MECOM: variants seen among roughly 807,000 people sequenced by gnomAD.
MECOM encodes the protein histone-lysine N-methyltransferase MECOM.
MECOM carries 13 observed loss-of-function variants against 116.3 expected under a neutral mutation model. That is an observed-to-expected ratio of 0.11 (90% confidence interval 0.07 to 0.18). MECOM has a LOEUF of 0.18. Among genes scored for constraint, MECOM ranks in the 10% least tolerant of loss-of-function variants. The probability of loss-of-function intolerance (pLI) is 1.00; values close to 1 mark genes in which losing one functional copy is unlikely to be tolerated. For synonymous variants in MECOM, 528 were observed against 535.2 expected, an observed-to-expected ratio of 0.99 and a Z score of 0.19; for missense variants, 1,299 against 1,509.0, an observed-to-expected ratio of 0.86 and a Z score of 2.31.
intron 1 of MECOM, among the ~76,000 whole-genome samples, chr3:169,626,824 T>C (rs910576319): frequency 7.7e-5 from 11 of 142,062 alleles, no homozygotes; most frequent in African/African-American, 2.7e-4. Context: ...TCTTTTCTCT[T>C]TTTTTTTTTC....
intron 2 of MECOM, among the ~76,000 whole-genome samples, chr3:169,235,133 CTA>C (rs1489702887): frequency 6.6e-6 from 1 of 152,170 alleles, no homozygotes; most frequent in Non-Finnish European, 1.5e-5. Context: ...TTGGTAGAGA[CTA>C]AACTCTTATT....
In MECOM at chr3:169,340,550, T is replaced by C. The variant is rs184325575; in HGVS notation, c.375+40637A>G. ...TCTGGTTGGTGTCACCATTTGACTATGAATTCATAATGCCAGAATGCTTTT... is the reference window on the plus strand; with the variant it reads ...TCTGGTTGGTGTCACCATTTGACTACGAATTCATAATGCCAGAATGCTTTT... On this transcript the variant is annotated intron_variant, in intron 2 of 16. Coordinates refer to ENST00000651503, the MANE Select transcript of MECOM (RefSeq NM_004991.4). Among the ~76,000 whole-genome samples the C allele has an allele frequency of 1.4e-3, 211 of 152,316 alleles. 1 individual carries two copies. The highest frequency in any genetic ancestry group is 4.9e-3 in the African/African-American group (202 of 41,576).
intron 2 of MECOM, among the ~76,000 whole-genome samples, chr3:169,144,454 G>A (rs141267559): frequency 6.6e-6 from 1 of 152,204 alleles, no homozygotes; most frequent in Non-Finnish European, 1.5e-5. Context: ...GTCAACGCAT[G>A]TTTCAATATT....
intron 2 of MECOM, among the ~76,000 whole-genome samples, chr3:169,324,477 A>G (rs1419411645): frequency 1.3e-5 from 2 of 152,250 alleles, no homozygotes; most frequent in Admixed American, 1.3e-4. Flanking sequence ...CAGGTCTTGA[A>G]ATATTTTTAT....
At chr3:169,470,048 G>C (rs567993963) in intron 1 of MECOM, 1 of 152,112 alleles carries the variant, frequency 6.6e-6, no homozygotes, top group East Asian at 1.9e-4. Flanking sequence ...CCTCTTCTCC[G>C]AAAGGTACCC....
intron 2 of MECOM, among the ~76,000 whole-genome samples, chr3:169,320,152 G>A (rs56313832): frequency 0.47 from 71,608 of 151,962 alleles, 17,599 homozygotes; most frequent in East Asian, 0.75. Context: ...GATTGGATGC[G>A]GATTTTAGAA....
chr3:169,298,287 T>C (rs929453449), intron 2 of MECOM, among the ~76,000 whole-genome samples: 28 of 152,102 alleles, frequency 1.8e-4, no homozygotes, highest in African/African-American at 6.5e-4. Flanking sequence ...CCATATTAAA[T>C]GTTATCAATA....
At chr3:169,198,846 A>G (rs1748784315) in intron 2 of MECOM, among the ~76,000 whole-genome samples, 1 of 152,020 alleles carries the variant, frequency 6.6e-6, no homozygotes, top group Non-Finnish European at 1.5e-5. Context: ...TTAGTGTGCT[A>G]CGGTAACAAA....
chr3:169,155,966 AGCATTCAC>A (rs1247415022), intron 2 of MECOM, among the ~76,000 whole-genome samples: 4 of 152,206 alleles, frequency 2.6e-5, no homozygotes, highest in African/African-American at 9.6e-5. Context: ...TAATATTAAA[AGCATTCAC>A]TAATTAGTCA....
chr3:169,285,073 G>C (rs2149685408), intron 2 of MECOM, among the ~76,000 whole-genome samples: 1 of 152,256 alleles, frequency 6.6e-6, no homozygotes, highest in Non-Finnish European at 1.5e-5. Flanking sequence ...TGTGTGTAAA[G>C]TTATAAAAGC....
intron 1 of MECOM, among the ~76,000 whole-genome samples, chr3:169,413,076 T>A (rs111795403): frequency 0.032 from 4,814 of 152,332 alleles, 179 homozygotes; most frequent in African/African-American, 0.088. Flanking sequence ...GATGGCCGAA[T>A]AGAAACAGCT....
At chr3:169,465,522 C>T (rs1179414446) in intron 1 of MECOM, among the ~76,000 whole-genome samples, 3 of 152,146 alleles carry the variant, frequency 2.0e-5, no homozygotes, top group Non-Finnish European at 4.4e-5. Context: ...ATGGCCAACA[C>T]TTTGCTTGTC....
chr3:169,184,867 C>A (rs1283355485), intron 2 of MECOM, among the ~76,000 whole-genome samples: 2 of 152,154 alleles, frequency 1.3e-5, no homozygotes, highest in African/African-American at 4.8e-5. Context: ...AAGGGAAAGG[C>A]AGAGTGATTT....
At chr3:169,553,341 T>C (rs1344881298) in intron 1 of MECOM, among the ~76,000 whole-genome samples, 4 of 152,134 alleles carry the variant, frequency 2.6e-5, no homozygotes, top group African/African-American at 9.7e-5. Flanking sequence ...TGATAAGTGC[T>C]AAAAAAAGAA....
chr3:169,479,946 G>A (rs1038711523), intron 1 of MECOM, among the ~76,000 whole-genome samples: 4 of 152,162 alleles, frequency 2.6e-5, no homozygotes, highest in African/African-American at 9.7e-5. Context: ...TACAGAGTAA[G>A]TAAATTGTCC....
At chr3:169,513,905 A>G (rs191850486) in intron 1 of MECOM, among the ~76,000 whole-genome samples, 64 of 152,182 alleles carry the variant, frequency 4.2e-4, no homozygotes, top group Admixed American at 1.6e-3. Flanking sequence ...TTTTTTCAGG[A>G]GATCATTTTA....
intron 2 of MECOM, among the ~76,000 whole-genome samples, chr3:169,363,981 T>C (rs1728751377): frequency 6.6e-6 from 1 of 152,104 alleles, no homozygotes; most frequent in South Asian, 2.1e-4. Flanking sequence ...CAGATGCTCA[T>C]CAGAGGCTCT....
At chr3:169,275,917 T>C (rs995124456) in intron 2 of MECOM, among the ~76,000 whole-genome samples, 2 of 152,064 alleles carry the variant, frequency 1.3e-5, no homozygotes, top group Non-Finnish European at 2.9e-5. Context: ...ACATGTATTC[T>C]TTTTTTTAAC....
At chr3:169,504,982 G>A (rs934355836) in intron 1 of MECOM, among the ~76,000 whole-genome samples, 18 of 152,178 alleles carry the variant, frequency 1.2e-4, no homozygotes, top group Non-Finnish European at 2.2e-4. Flanking sequence ...GCTACCATCC[G>A]TCACCACCAA....
Sources: gnomAD v4.1 joint callset for allele counts (sites outside exome capture counted in the v4.1 genomes callset) on GRCh38, gnomAD v4.1.1 for gene constraint, MANE v1.5 for transcripts, NCBI Gene and HGNC (gene_info 2026-07-23, HGNC 2026-07-21) for gene names.